FBXO34: variants seen among roughly 807,000 people sequenced by gnomAD.
FBXO34 encodes the protein F-box protein 34, also known as F-box only protein 34.
In FBXO34, 12 loss-of-function variants were observed where a neutral mutation model predicts 24.5. The ratio of observed to expected loss-of-function variants is 0.49; its 90% CI spans 0.31 to 0.79. The LOEUF (loss-of-function observed/expected upper bound fraction) is 0.79, where lower values mean the gene tolerates loss of function less well. Ranked by LOEUF, FBXO34 falls within the 30% of genes least tolerant of loss-of-function variation. The pLI, the probability that FBXO34 is intolerant of heterozygous loss-of-function variation, is 0.04. For synonymous variants in FBXO34, 320 were observed against 311.9 expected (o/e 1.03, Z -0.27); for missense variants, 823 against 857.7 (o/e 0.96, Z 0.51).
intron 1 of FBXO34, among the ~76,000 whole-genome samples, chr14:55,316,423 C>T (rs138420131): frequency 0.02 from 3,031 of 148,120 alleles, 102 homozygotes; most frequent in African/African-American, 0.067. Flanking sequence ...CCTGTCTCTA[C>T]AAAAATAAAA....
intron 1 of FBXO34, among the ~76,000 whole-genome samples, chr14:55,290,652 A>C (rs538841743): frequency 6.6e-6 from 1 of 152,272 alleles, no homozygotes; most frequent in African/African-American, 2.4e-5. Flanking sequence ...TTACCCTTTT[A>C]AAGGAAGGTT....
At chr14:55,281,653 G>A (rs1335784320) in intron 1 of FBXO34, among the ~76,000 whole-genome samples, 4 of 152,034 alleles carry the variant, frequency 2.6e-5, no homozygotes, top group East Asian at 1.9e-4. Context: ...TCTGTTTTAC[G>A]AAGTCTATTC....
intron 1 of FBXO34, among the ~76,000 whole-genome samples, chr14:55,303,329 C>T (rs17128394): frequency 0.012 from 1,829 of 152,296 alleles, 51 homozygotes; most frequent in African/African-American, 0.041. Context: ...TAATCCTCAT[C>T]ACAACTCTGT....
At chr14:55,344,563 T>C (rs997890077) in intron 1 of FBXO34, among the ~76,000 whole-genome samples, 1 of 133,252 alleles carries the variant, frequency 7.5e-6, no homozygotes, top group Non-Finnish European at 1.6e-5. Flanking sequence ...TTTTTTTTTT[T>C]ACTTTAAGTT....
intron 1 of FBXO34, among the ~76,000 whole-genome samples, chr14:55,306,208 C>A (rs1882539275): frequency 1.3e-5 from 2 of 152,148 alleles, no homozygotes; most frequent in South Asian, 4.1e-4. Flanking sequence ...TTTTGGACTT[C>A]ATTATGATTA....
the FBXO34 span, among the ~76,000 whole-genome samples, chr14:55,412,746 T>C: frequency 6.6e-6 from 1 of 152,194 alleles, no homozygotes; most frequent in African/African-American, 2.4e-5. Context: ...TAGCCAGGAT[T>C]CCTTTCTCAA....
At chr14:55,382,392 C>T in the FBXO34 span, among the ~76,000 whole-genome samples, 1 of 152,164 alleles carries the variant, frequency 6.6e-6, no homozygotes, top group Non-Finnish European at 1.5e-5. Flanking sequence ...TCATAGCTCA[C>T]TGAAGCCTTG....
chr14:55,351,267 C>A lies in FBXO34; in HGVS notation c.877C>A (p.Arg293=), dbSNP rs756551007. The change falls in exon 2 of 2, where the codon CGG becomes AGG. Residue 293 remains arginine, a synonymous_variant. Coordinates refer to ENST00000313833, the MANE Select transcript of FBXO34 (RefSeq NM_017943.4). ...VAKLESECLK[R]QGQREPGSLS... ...CAAGTTGGAGTCTGAGTGCCTGAAG[C>A]GGCAGGGCCAGCGTGAGCCTGGGAG... is the stretch of plus-strand genomic sequence containing the variant. The A allele has an allele frequency of 1.2e-6, 2 of 1,614,018 alleles. No individual in the cohort carries two copies. The highest frequency in any genetic ancestry group is 2.7e-5 in the African/African-American group (2 of 74,928).
At chr14:55,292,999 C>T (rs1881993098) in intron 1 of FBXO34, among the ~76,000 whole-genome samples, 1 of 152,192 alleles carries the variant, frequency 6.6e-6, no homozygotes, top group South Asian at 2.1e-4. Context: ...TCTCCTCCCT[C>T]AGCCTCTCTA....
At chr14:55,310,434 T>C (rs987903137) in intron 1 of FBXO34, among the ~76,000 whole-genome samples, 1 of 151,936 alleles carries the variant, frequency 6.6e-6, no homozygotes, top group African/African-American at 2.4e-5. Flanking sequence ...AAGTGGGGAG[T>C]GCTCATGGAT....
chr14:55,398,010 C>A, the FBXO34 span, among the ~76,000 whole-genome samples: 1 of 132,676 alleles, frequency 7.5e-6, no homozygotes, highest in Non-Finnish European at 1.5e-5. Context: ...TGTAGTGGTG[C>A]GATCTTGGCT....
At chr14:55,300,622 T>C (rs976238749) in intron 1 of FBXO34, among the ~76,000 whole-genome samples, 6 of 152,214 alleles carry the variant, frequency 3.9e-5, no homozygotes, top group Non-Finnish European at 7.3e-5. Context: ...TTATTTGTTC[T>C]AGTGTTTTTC....
At chr14:55,329,067 A>G (rs1042074579) in intron 1 of FBXO34, among the ~76,000 whole-genome samples, 4 of 150,364 alleles carry the variant, frequency 2.7e-5, no homozygotes, top group Non-Finnish European at 4.4e-5. Context: ...CTTAATGAGA[A>G]GTTCCTAGAG....
the FBXO34 span, among the ~76,000 whole-genome samples, chr14:55,391,896 A>G: frequency 1.2e-4 from 19 of 152,356 alleles, no homozygotes; most frequent in Admixed American, 8.5e-4. Flanking sequence ...TTTTCAGTGC[A>G]TAACTCAAGT....
downstream of FBXO34, chr14:55,366,381 A>G (rs1884679160): frequency 6.6e-6 from 1 of 152,648 alleles, no homozygotes; most frequent in Non-Finnish European, 1.5e-5. Flanking sequence ...AGACATACAC[A>G]TGAGCAAAGT....
rs553264758 is a variant in FBXO34 at position 55,299,162 on chromosome 14, C to G, written c.-11+27625C>G. 2.3e-4 allele frequency: 246 copies of G among 1,089,426 alleles called. 1 individual carries two copies. The highest frequency in any genetic ancestry group is 8.0e-4 in the South Asian group (64 of 80,332). 67.5% of individuals were successfully genotyped at this position (1,089,426 alleles called of 1,614,324 possible). ...ACAAGAATTTGCTGGAAGTCAGTGG[C>G]CCCGAAACAGTCCCTCTACCAAATG... On this transcript the variant is annotated intron_variant, in intron 1 of 1. Transcript: ENST00000313833.
chr14:55,352,893 A>G lies in FBXO34; in HGVS notation c.*367A>G, dbSNP rs1366842986. On this transcript the variant is annotated 3_prime_UTR_variant, in exon 2 of 2. Transcript: ENST00000313833. ...CAGGTAGTCCTCAAAAATGGGTTCC[A>G]GAAATGTTTTGAGCACTGGCAACAT... 5.1e-6 allele frequency: 1 copy of G among 194,328 alleles called. No individual in the cohort carries two copies. The highest frequency in any genetic ancestry group is 1.2e-5 in the Non-Finnish European group (1 of 85,642). 12.0% of individuals were successfully genotyped at this position (194,328 alleles called of 1,614,324 possible). A position where few individuals can be genotyped will look rare whatever the true frequency, so the allele number is the denominator to read the frequency against.
chr14:55,350,893 G>C lies in FBXO34; in HGVS notation c.503G>C (p.Arg168Thr), dbSNP rs754845224. The C allele has an allele frequency of 6.2e-7, 1 of 1,613,758 alleles. No homozygotes were observed. The highest frequency in any genetic ancestry group is 1.7e-5 in the Admixed American group (1 of 59,960). Residue 168 changes from arginine to threonine, a missense_variant, in exon 2 of 2, where the codon AGG becomes ACG. By Grantham distance (71) the Arg-to-Thr change is moderately conservative (BLOSUM62 -1). Transcript: ENST00000313833. ...KKAKVQVERM[R>T]EVNSRCYQPE... ...GCCAAGGTACAGGTGGAAAGGATGA[G>C]GGAGGTTAACAGCAGGTGCTACCAA...
the FBXO34 span, among the ~76,000 whole-genome samples, chr14:55,418,676 C>T: frequency 8.5e-5 from 13 of 152,180 alleles, no homozygotes; most frequent in African/African-American, 2.9e-4. Flanking sequence ...GGGTGACCCT[C>T]AGCAACAATG....
Sources: gnomAD v4.1 joint callset for allele counts (sites outside exome capture counted in the v4.1 genomes callset) on GRCh38, gnomAD v4.1.1 for gene constraint, MANE v1.5 for transcripts, NCBI Gene and HGNC (gene_info 2026-07-23, HGNC 2026-07-21) for gene names.